The following CLASP2 variants were observed in gnomAD, a reference collection of about 807,000 sequenced individuals.
The protein encoded by CLASP2 is cytoplasmic linker associated protein 2, also known as CLIP-associating protein 2.
In CLASP2, 47 loss-of-function variants were observed where a neutral mutation model predicts 194.4. The observed-to-expected ratio is 0.24, with a 90% CI of 0.19 to 0.31. The LOEUF (loss-of-function observed/expected upper bound fraction) is 0.31, where lower values mean the gene tolerates loss of function less well. Ranked by LOEUF, CLASP2 falls within the 10% of genes least tolerant of loss-of-function variation. The pLI, the probability that CLASP2 is intolerant of heterozygous loss-of-function variation, is 1.00. For missense variants in CLASP2, 1,445 were observed against 1,823.6 expected (o/e 0.79, Z 3.78); for synonymous variants, 619 against 633.5 (o/e 0.98, Z 0.34).
intron 7 of CLASP2, among the ~76,000 whole-genome samples, chr3:33,660,372 C>T (rs867504302): frequency 1.3e-5 from 2 of 152,160 alleles, no homozygotes; most frequent in African/African-American, 4.8e-5. Flanking sequence ...AGGGACTCTG[C>T]CTAACTTACT....
At chr3:33,717,720 G>A (rs1367437588) in intron 1 of CLASP2, 88 bp downstream of exon 1, 19 of 1,400,518 alleles carry the variant, frequency 1.4e-5, no homozygotes, top group East Asian at 2.5e-5. Flanking sequence ...TGGTTCGGAC[G>A]GGAGCTTTCC....
chr3:33,524,385 G>A (rs762727351), intron 34 of CLASP2, among the ~76,000 whole-genome samples: 2 of 152,136 alleles, frequency 1.3e-5, no homozygotes, highest in Non-Finnish European at 2.9e-5. Flanking sequence ...GTGCATGCCT[G>A]TAATACTAGC....
chr3:33,585,597 G>GT (rs2067180842), intron 21 of CLASP2, among the ~76,000 whole-genome samples: 1 of 152,164 alleles, frequency 6.6e-6, no homozygotes, highest in Non-Finnish European at 1.5e-5. Context: ...ATTTCCAATG[G>GT]TTTTTGGGGT....
intron 9 of CLASP2, among the ~76,000 whole-genome samples, chr3:33,628,070 C>T (rs907751836): frequency 6.6e-6 from 1 of 152,080 alleles, no homozygotes; most frequent in Non-Finnish European, 1.5e-5. Context: ...CTGGTGATAC[C>T]AACTGAGTAC....
intron 7 of CLASP2, 142 bp from the exon 8 acceptor site, chr3:33,645,045 G>A (rs1279887448): frequency 1.2e-6 from 1 of 836,254 alleles, no homozygotes; most frequent in Non-Finnish European, 1.9e-6. Flanking sequence ...CTTTGAATAA[G>A]CATTTATATA....
intron 27 of CLASP2, among the ~76,000 whole-genome samples, chr3:33,565,732 A>G (rs1323296434): frequency 1.3e-5 from 2 of 151,976 alleles, no homozygotes; most frequent in Admixed American, 1.3e-4. Context: ...GAACTGCTTG[A>G]ACCCAGGAGG....
At chr3:33,542,227 A>G (rs2058474497) in intron 32 of CLASP2, among the ~76,000 whole-genome samples, 1 of 151,938 alleles carries the variant, frequency 6.6e-6, no homozygotes, top group Admixed American at 6.6e-5. Flanking sequence ...AATTGTACAC[A>G]TCTTTTATTT....
chr3:33,714,866 C>T (rs879410852), intron 1 of CLASP2, among the ~76,000 whole-genome samples: 2 of 152,136 alleles, frequency 1.3e-5, no homozygotes, highest in East Asian at 1.9e-4. Flanking sequence ...TAAGCCACCA[C>T]GCCCAGTTAC....
intron 7 of CLASP2, among the ~76,000 whole-genome samples, chr3:33,661,690 G>A (rs954729402): frequency 3.9e-5 from 6 of 152,292 alleles, no homozygotes; most frequent in African/African-American, 9.6e-5. Context: ...AAATGGGAAC[G>A]TCATCAAGGC....
At chr3:33,523,606 G>C (rs2053731222) in intron 34 of CLASP2, among the ~76,000 whole-genome samples, 1 of 152,132 alleles carries the variant, frequency 6.6e-6, no homozygotes, top group Non-Finnish European at 1.5e-5. Context: ...AAGTACTCTA[G>C]ACAGTAACTT....
At chr3:33,655,907 T>C (rs2084108528) in intron 7 of CLASP2, among the ~76,000 whole-genome samples, 1 of 152,180 alleles carries the variant, frequency 6.6e-6, no homozygotes, top group African/African-American at 2.4e-5. Context: ...AAAGAATCTA[T>C]TTACAACAAA....
chr3:33,608,744 CTT>C (rs766687478), intron 13 of CLASP2, 118 bp from the exon 14 acceptor site: 10,149 of 157,350 alleles, frequency 0.064, no homozygotes, highest in South Asian at 0.13. Context: ...TTTTAGATAT[CTT>C]TTTTTTTTTT....
chr3:33,606,555 G>A (rs2073893078), intron 16 of CLASP2, 36 bp downstream of exon 16: 1 of 1,556,306 alleles, frequency 6.4e-7, no homozygotes, highest in Non-Finnish European at 8.8e-7. Flanking sequence ...GTTGAGGAGA[G>A]GAAGAGACTA....
chr3:33,570,835 G>GATATT, intron 25 of CLASP2, 45 bp from the exon 26 acceptor site: 1 of 1,369,814 alleles, frequency 7.3e-7, no homozygotes, highest in Non-Finnish European at 9.8e-7. Context: ...GCTGTAGCAA[G>GATATT]AAGTCATGTA....
At chr3:33,606,010 G>A (rs946152654) in intron 16 of CLASP2, among the ~76,000 whole-genome samples, 2 of 152,196 alleles carry the variant, frequency 1.3e-5, no homozygotes, top group Admixed American at 1.3e-4. Context: ...GTGCTAGGAA[G>A]TGGAGAAGGC....
In CLASP2 at chr3:33,663,436, T is replaced by C; in HGVS notation, c.715+9A>G. The C allele has an allele frequency of 1.2e-6, 2 of 1,606,984 alleles. No individual in the cohort carries two copies. The highest frequency in any genetic ancestry group is 1.7e-6 in the Non-Finnish European group (2 of 1,176,254). On this transcript the variant is annotated intron_variant, in intron 7 of 38. Transcript: ENST00000682230. ...TCTTAGAAATGTTTGAGAGCTTAATTACTCTTACCTTTGCAGACACTCAAA... is the reference window on the plus strand; with the variant it reads ...TCTTAGAAATGTTTGAGAGCTTAATCACTCTTACCTTTGCAGACACTCAAA...
chr3:33,588,640 C>A, intron 21 of CLASP2: 1 of 697,460 alleles, frequency 1.4e-6, no homozygotes, highest in South Asian at 1.5e-5. Flanking sequence ...GAATAGAACC[C>A]ATTCTTCATA....
rs553118521 is a variant in CLASP2, at chr3:33,696,918, A to C, written c.211T>G (p.Leu71Val). 6.3e-7 allele frequency: 1 copy of C among 1,586,226 alleles called. No individual in the cohort carries two copies. The highest frequency in any genetic ancestry group is 1.3e-5 in the African/African-American group (1 of 74,450). The change falls in exon 2 of 39, where the codon TTG (leucine) becomes GTG (valine). Residue 71 changes from leucine to valine, a missense_variant. Coordinates refer to ENST00000682230, the MANE Select transcript of CLASP2 (RefSeq NM_001365631.1). ...SSNYRVSLMG[L>V]EILSAFVDRL... ...TCCACAAAGGCACTTAAAATTTCCA[A>C]TCCCATTAATGATACCTACAGATAA... is the stretch of plus-strand genomic sequence containing the variant.
chr3:33,548,957 T>C (rs563880730), intron 30 of CLASP2, among the ~76,000 whole-genome samples: 2 of 151,852 alleles, frequency 1.3e-5, no homozygotes, highest in South Asian at 2.1e-4. Flanking sequence ...TTTTTTTGCA[T>C]AGATGAGGTC....
Sources: allele counts gnomAD v4.1 joint callset (sites outside exome capture counted in the v4.1 genomes callset), GRCh38; gene constraint gnomAD v4.1.1; transcripts MANE v1.5; gene names NCBI Gene and HGNC (gene_info 2026-07-23, HGNC 2026-07-21).